SGPP2: variants seen among roughly 807,000 people sequenced by gnomAD.
SGPP2 encodes the protein sphingosine-1-phosphate phosphatase 2.
In SGPP2, 30 loss-of-function variants were observed where a neutral mutation model predicts 33.9. The observed-to-expected ratio is 0.89, with a 90% CI of 0.66 to 1.20. SGPP2 has a LOEUF of 1.20. SGPP2 is among the 50% of genes most tolerant of loss of function. The pLI is 0.00. For missense variants in SGPP2, 458 were observed against 532.1 expected, an observed-to-expected ratio of 0.86 and a Z score of 1.37; for synonymous variants, 233 against 225.0, an observed-to-expected ratio of 1.04 and a Z score of -0.32.
intron 4 of SGPP2, among the ~76,000 whole-genome samples, chr2:222,533,343 G>A (rs1252181519): frequency 2.6e-5 from 4 of 152,148 alleles, no homozygotes; most frequent in Admixed American, 6.5e-5. Context: ...ATATGGAGGT[G>A]AGACTTCGGC....
chr2:222,500,095 C>T (rs1175941730), intron 2 of SGPP2, among the ~76,000 whole-genome samples: 1 of 152,162 alleles, frequency 6.6e-6, no homozygotes, highest in African/African-American at 2.4e-5. Flanking sequence ...ACAGCCACCA[C>T]CTGTGCTTCC....
intron 1 of SGPP2, among the ~76,000 whole-genome samples, chr2:222,458,785 G>A (rs537111749): frequency 5.3e-5 from 8 of 152,196 alleles, no homozygotes; most frequent in South Asian, 4.1e-4. Flanking sequence ...AAGCATTCCC[G>A]TTTTCCTCAC....
chr2:222,489,829 G>C (rs575862982), intron 2 of SGPP2, among the ~76,000 whole-genome samples: 2 of 152,078 alleles, frequency 1.3e-5, no homozygotes, highest in Admixed American at 1.3e-4. Flanking sequence ...GCCAGGCATC[G>C]TGGCGCATGC....
chr2:222,469,337 C>T (rs756546894), intron 1 of SGPP2, among the ~76,000 whole-genome samples: 8 of 152,192 alleles, frequency 5.3e-5, no homozygotes, highest in Non-Finnish European at 1.0e-4. Context: ...ACATGTGCCA[C>T]CATGCCCGGC....
At chr2:222,470,997 G>A (rs6715169) in intron 1 of SGPP2, among the ~76,000 whole-genome samples, 2,058 of 152,240 alleles carry the variant, frequency 0.014, 56 homozygotes, top group African/African-American at 0.046. Flanking sequence ...TGCAACCATG[G>A]TATCTTAGCA....
intron 1 of SGPP2, among the ~76,000 whole-genome samples, chr2:222,426,209 C>CAAAAA (rs59881994): frequency 3.4e-5 from 2 of 58,684 alleles, no homozygotes; most frequent in Admixed American, 2.1e-4. Flanking sequence ...GACTCCGTCT[C>CAAAAA]AAAAAAAAAA....
At chr2:222,521,123 A>G (rs78489004) in intron 2 of SGPP2, among the ~76,000 whole-genome samples, 1 of 152,364 alleles carries the variant, frequency 6.6e-6, no homozygotes, top group East Asian at 1.9e-4. Flanking sequence ...CCTGATTACT[A>G]AAGAAGTTAC....
intron 1 of SGPP2, among the ~76,000 whole-genome samples, chr2:222,438,077 C>T (rs1379722308): frequency 6.6e-6 from 1 of 152,196 alleles, no homozygotes; most frequent in Non-Finnish European, 1.5e-5. Context: ...GATAAATGGG[C>T]TGGAGTAACA....
chr2:222,436,491 A>C (rs148433639), intron 1 of SGPP2, among the ~76,000 whole-genome samples: 1,591 of 152,310 alleles, frequency 0.01, 15 homozygotes, highest in Non-Finnish European at 0.015. Flanking sequence ...TTGGCATTGT[A>C]ATTGTGACTT....
chr2:222,520,351 C>G (rs1217390252), intron 2 of SGPP2, among the ~76,000 whole-genome samples: 1 of 151,650 alleles, frequency 6.6e-6, no homozygotes, highest in Non-Finnish European at 1.5e-5. Context: ...TCATGTACAT[C>G]AAATTCTGAT....
At chr2:222,516,484 A>G (rs896926109) in intron 2 of SGPP2, among the ~76,000 whole-genome samples, 1 of 152,206 alleles carries the variant, frequency 6.6e-6, no homozygotes, top group Non-Finnish European at 1.5e-5. Flanking sequence ...TGTTATGAAC[A>G]TTCATATATG....
At chr2:222,431,462 T>C (rs1012131230) in intron 1 of SGPP2, among the ~76,000 whole-genome samples, 1 of 152,130 alleles carries the variant, frequency 6.6e-6, no homozygotes, top group Non-Finnish European at 1.5e-5. Flanking sequence ...GCCAAGATCA[T>C]GCCACTGCAC....
At chr2:222,468,504 A>T (rs1208214711) in intron 1 of SGPP2, among the ~76,000 whole-genome samples, 1 of 152,164 alleles carries the variant, frequency 6.6e-6, no homozygotes, top group Non-Finnish European at 1.5e-5. Flanking sequence ...CCAAGGTCAC[A>T]CTTTGTTTTG....
intron 2 of SGPP2, among the ~76,000 whole-genome samples, chr2:222,510,060 G>A (rs963092761): frequency 1.1e-4 from 16 of 152,070 alleles, no homozygotes; most frequent in Non-Finnish European, 1.8e-4. Flanking sequence ...TCTTTCTATG[G>A]CCAAATAATA....
chr2:222,452,782 T>C (rs1251433815), intron 1 of SGPP2: 2 of 1,519,944 alleles, frequency 1.3e-6, no homozygotes, highest in Non-Finnish European at 1.8e-6. Context: ...GAGTAGAGGC[T>C]GGGGTAGGTA....
chr2:222,445,729 G>C (rs1399387119), intron 1 of SGPP2, among the ~76,000 whole-genome samples: 2 of 152,198 alleles, frequency 1.3e-5, no homozygotes, highest in Admixed American at 6.5e-5. Context: ...CAGCAATTAG[G>C]TGTGAAGTCT....
chr2:222,552,848 G>A (rs569800926), intron 4 of SGPP2, among the ~76,000 whole-genome samples: 71 of 152,168 alleles, frequency 4.7e-4, no homozygotes, highest in Non-Finnish European at 7.6e-4. Flanking sequence ...CAACAAGAGC[G>A]AAACTCCATC....
chr2:222,515,206 G>A (rs886519040), intron 2 of SGPP2, among the ~76,000 whole-genome samples: 2 of 152,094 alleles, frequency 1.3e-5, no homozygotes, highest in African/African-American at 4.8e-5. Context: ...ATGCAGATCA[G>A]GTCAGGCCAG....
intron 1 of SGPP2, among the ~76,000 whole-genome samples, chr2:222,430,253 T>C (rs1697133085): frequency 6.6e-6 from 1 of 152,178 alleles, no homozygotes; most frequent in Non-Finnish European, 1.5e-5. Context: ...ACCTGGATTC[T>C]CATGTGCTAG....
Sources: allele counts gnomAD v4.1 joint callset (sites outside exome capture counted in the v4.1 genomes callset), GRCh38; gene constraint gnomAD v4.1.1; transcripts MANE v1.5; gene names NCBI Gene and HGNC (gene_info 2026-07-23, HGNC 2026-07-21).